The following ASAP1 variants were observed in gnomAD, a reference collection of about 807,000 sequenced individuals.
ASAP1 encodes ArfGAP with SH3 domain, ankyrin repeat and PH domain 1.
ASAP1 carries 43 observed loss-of-function variants against 145.2 expected under a neutral mutation model. That is an observed-to-expected ratio of 0.30 (90% CI 0.23 to 0.38). The LOEUF is 0.38. Ranked by LOEUF, ASAP1 falls within the 10% of genes least tolerant of loss-of-function variation. The pLI is 1.00. For synonymous variants in ASAP1, 546 were observed against 515.5 expected, an observed-to-expected ratio of 1.06 and a Z score of -0.80; for missense variants, 1,018 against 1,355.3, an observed-to-expected ratio of 0.75 and a Z score of 3.91.
At chr8:130,272,634 T>C (rs1054407384) in intron 3 of ASAP1, among the ~76,000 whole-genome samples, 1 of 152,200 alleles carries the variant, frequency 6.6e-6, no homozygotes, top group African/African-American at 2.4e-5. Context: ...ATAAAGAAGA[T>C]GTAGTATATA....
chr8:130,390,787 C>T (rs1211155175), intron 2 of ASAP1, among the ~76,000 whole-genome samples: 2 of 152,112 alleles, frequency 1.3e-5, no homozygotes, highest in African/African-American at 2.4e-5. Flanking sequence ...GTGTTGGTGA[C>T]GATATGGAGA....
At chr8:130,186,293 C>A (rs1814726884) in intron 7 of ASAP1, among the ~76,000 whole-genome samples, 1 of 152,192 alleles carries the variant, frequency 6.6e-6, no homozygotes, top group Non-Finnish European at 1.5e-5. Context: ...CCTAACAATG[C>A]ACTTTTCACA....
At chr8:130,099,538 C>G (rs979725656) in intron 24 of ASAP1, among the ~76,000 whole-genome samples, 1 of 151,964 alleles carries the variant, frequency 6.6e-6, no homozygotes, top group African/African-American at 2.4e-5. Context: ...GCTATGTTGT[C>G]CAGGCTTGAG....
chr8:130,433,994 G>A (rs1245920945), intron 1 of ASAP1, among the ~76,000 whole-genome samples: 2 of 152,188 alleles, frequency 1.3e-5, no homozygotes, highest in East Asian at 3.8e-4. Context: ...TATGGGTATT[G>A]AACACAGATC....
At chr8:130,080,559 T>G (rs1401402304) in intron 25 of ASAP1, among the ~76,000 whole-genome samples, 6 of 151,202 alleles carry the variant, frequency 4.0e-5, no homozygotes, top group African/African-American at 1.5e-4. Context: ...CACTGTAGCC[T>G]TGAACTCCAG....
At chr8:130,114,951 G>A (rs183255552) in intron 23 of ASAP1, among the ~76,000 whole-genome samples, 1 of 151,866 alleles carries the variant, frequency 6.6e-6, no homozygotes, top group Admixed American at 6.6e-5. Context: ...GTAGAGACAG[G>A]GTCTCACCAT....
intron 2 of ASAP1, among the ~76,000 whole-genome samples, chr8:130,381,509 T>C (rs368608634): frequency 4.7e-4 from 71 of 152,032 alleles, no homozygotes; most frequent in African/African-American, 1.5e-3. Context: ...TAGTAGCTAC[T>C]TGAAGTGGCT....
At chr8:130,361,459 C>A (rs1417049174) in intron 2 of ASAP1, among the ~76,000 whole-genome samples, 1 of 152,216 alleles carries the variant, frequency 6.6e-6, no homozygotes, top group East Asian at 1.9e-4. Context: ...CTGGGGATTT[C>A]TTTCTTGACT....
At chr8:130,384,431 G>A (rs1323084340) in intron 2 of ASAP1, among the ~76,000 whole-genome samples, 2 of 152,206 alleles carry the variant, frequency 1.3e-5, no homozygotes, top group Non-Finnish European at 2.9e-5. Context: ...CTGCTGGGCA[G>A]GGGGCAGAAA....
chr8:130,352,226 T>G (rs2138063587), intron 3 of ASAP1, among the ~76,000 whole-genome samples: 1 of 151,976 alleles, frequency 6.6e-6, no homozygotes, highest in Non-Finnish European at 1.5e-5. Context: ...TTTTTTTTTT[T>G]TTTTAAGACT....
chr8:130,188,319 C>G (rs889208141), intron 5 of ASAP1, 136 bp from the exon 6 acceptor site: 1 of 687,934 alleles, frequency 1.5e-6, no homozygotes. Context: ...TTTCATTGAA[C>G]CTACATGACA....
chr8:130,280,382 G>A lies in ASAP1; in HGVS notation c.187-43388C>T, dbSNP rs117175622. Among the ~76,000 whole-genome samples, 1,420 of 152,304 alleles carry A rather than the reference G, an allele frequency of 9.3e-3. 10 individuals carry two copies. The highest frequency in any genetic ancestry group is 0.015 in the Non-Finnish European group (1,002 of 68,028). On this transcript the variant is annotated intron_variant, in intron 3 of 29. Transcript: ENST00000518721. ...TGTCCCAAGAAACTGGGCATTTTGTGGATAAAGTCTACTTGTGATAATGGT... is the reference window on the plus strand; with the variant it reads ...TGTCCCAAGAAACTGGGCATTTTGTAGATAAAGTCTACTTGTGATAATGGT...
At chr8:130,328,494 C>T (rs1267132887) in intron 3 of ASAP1, among the ~76,000 whole-genome samples, 1 of 152,142 alleles carries the variant, frequency 6.6e-6, no homozygotes, top group African/African-American at 2.4e-5. Flanking sequence ...AGGCCCTCCA[C>T]ACAAACACAA....
intron 1 of ASAP1, among the ~76,000 whole-genome samples, chr8:130,406,479 T>C (rs1460268460): frequency 6.6e-6 from 1 of 151,370 alleles, no homozygotes; most frequent in Non-Finnish European, 1.5e-5. Context: ...TTAGTTCTTT[T>C]TTTTTTTTTT....
chr8:130,384,499 G>C (rs904984140), intron 2 of ASAP1, among the ~76,000 whole-genome samples: 1 of 152,078 alleles, frequency 6.6e-6, no homozygotes, highest in Non-Finnish European at 1.5e-5. Flanking sequence ...GTTTTTTTCA[G>C]ACGGAGTCTC....
intron 24 of ASAP1, among the ~76,000 whole-genome samples, chr8:130,100,549 G>A (rs561120456): frequency 2.0e-5 from 3 of 152,034 alleles, no homozygotes; most frequent in Non-Finnish European, 2.9e-5. Flanking sequence ...GGCTGGTCTC[G>A]AAGCCCTGAC....
intron 2 of ASAP1, among the ~76,000 whole-genome samples, chr8:130,366,672 C>T (rs1826963307): frequency 6.6e-6 from 1 of 152,112 alleles, no homozygotes; most frequent in Admixed American, 6.6e-5. Flanking sequence ...TGCCATTTAA[C>T]AGGATTTGTT....
intron 13 of ASAP1, among the ~76,000 whole-genome samples, chr8:130,137,859 T>C (rs1238921056): frequency 6.6e-6 from 1 of 152,208 alleles, no homozygotes; most frequent in Non-Finnish European, 1.5e-5. Context: ...ATGTTCAAGG[T>C]CACATGCTGG....
intron 24 of ASAP1, among the ~76,000 whole-genome samples, chr8:130,101,810 C>T (rs568731657): frequency 1.4e-5 from 2 of 139,512 alleles, no homozygotes; most frequent in Non-Finnish European, 3.0e-5. Context: ...TAAGCTCAAG[C>T]AATGCACCCA....
Sources: allele counts gnomAD v4.1 joint callset (sites outside exome capture counted in the v4.1 genomes callset), GRCh38; gene constraint gnomAD v4.1.1; transcripts MANE v1.5; gene names NCBI Gene and HGNC (gene_info 2026-07-23, HGNC 2026-07-21).